The following NBPF14 variants were observed in gnomAD, a reference collection of about 807,000 sequenced individuals.
The protein encoded by NBPF14 is NBPF member 14, also known as NBPF family member NBPF14.
Under a neutral mutation model 91.2 loss-of-function variants are expected in NBPF14, and 104 were observed. The ratio of observed to expected loss-of-function variants is 1.14; its 90% CI spans 0.97 to 1.34. The LOEUF (loss-of-function observed/expected upper bound fraction) is 1.34, where lower values mean the gene tolerates loss of function less well. NBPF14 is among the 40% of genes most tolerant of loss of function. NBPF14 has a pLI of 0.00. For missense variants in NBPF14, 908 were observed against 783.0 expected (o/e 1.16, Z -1.91); for synonymous variants, 294 against 303.8 (o/e 0.97, Z 0.34).
Position 148,560,710 on chromosome 1 carries a change from A to C in NBPF14, c.4448-18T>G. The C allele has an allele frequency of 6.0e-6, 1 of 166,704 alleles. No individual in the cohort carries two copies. The highest frequency in any genetic ancestry group is 3.3e-5 in the South Asian group (1 of 30,648). The allele number at this position is 166,704 out of a possible 1,614,324, so 10.3% of individuals were successfully genotyped here. On this transcript the variant is annotated intron_variant, in intron 35 of 70. Coordinates refer to ENST00000619423, the Ensembl canonical transcript of NBPF14. ...TTCAATTTCTGCAATAAATTCAGAC[A>C]TGGACAGACACATTAAGCTGATTCC... is the stretch of plus-strand genomic sequence containing the variant.
chr1:148,559,649 G>T, intron 37 of NBPF14, 144 bp downstream of exon 37: 1 of 591,768 alleles, frequency 1.7e-6, no homozygotes, highest in East Asian at 3.2e-5. Context: ...AGTGGAACTA[G>T]AGTTTCATTC....
intron 13 of NBPF14, among the ~76,000 whole-genome samples, 175 bp downstream of exon 13, chr1:148,578,899 C>A (rs1660495675): frequency 6.7e-6 from 1 of 148,314 alleles, no homozygotes; most frequent in Admixed American, 6.7e-5. Flanking sequence ...CACTGACCCA[C>A]CCCATGCCTG....
intron 3 of NBPF14, 127 bp from the exon 4 acceptor site, chr1:148,592,893 A>C (rs1181237110): frequency 2.8e-6 from 2 of 702,512 alleles, no homozygotes; most frequent in Non-Finnish European, 4.7e-6. Flanking sequence ...GCACATGTTG[A>C]AAGGAATGAC....
chr1:148,592,930 G>C (rs1243934395), intron 3 of NBPF14, among the ~76,000 whole-genome samples, 164 bp from the exon 4 acceptor site: 2 of 132,212 alleles, frequency 1.5e-5, no homozygotes, highest in South Asian at 2.7e-4. Flanking sequence ...AATAGAAAAT[G>C]GTCTACAGGC....
At chr1:148,581,683 T>C (rs1225816998) in intron 12 of NBPF14, among the ~76,000 whole-genome samples, 1 of 148,496 alleles carries the variant, frequency 6.7e-6, no homozygotes, top group Non-Finnish European at 1.5e-5. Flanking sequence ...GCACTAAACA[T>C]GGAAAGGAAC....
At position 148,566,573 on chromosome 1, in the gene NBPF14, G is replaced by T. The variant is rs1409896457; in HGVS notation, c.3543-258C>A. Among the ~76,000 whole-genome samples, 4 of 143,648 alleles carry T rather than the reference G, an allele frequency of 2.8e-5. 1 individual carries two copies. The South Asian group carries it at 6.8e-4, about 24-fold the overall frequency. 94.2% of individuals were successfully genotyped at this position (143,648 alleles called of 152,430 possible). The stretch of plus-strand genomic sequence containing the variant: ...CACACACACACAGAGAACGAGCTCA[G>T]TGAATTGTCCAGGTGACACACTGAT... On this transcript the variant is annotated intron_variant, in intron 28 of 70. Transcript: ENST00000619423.
At chr1:148,574,489 AAC>A (rs1659506754) in intron 18 of NBPF14, among the ~76,000 whole-genome samples, 3 of 36,042 alleles carry the variant, frequency 8.3e-5, no homozygotes, top group Admixed American at 2.7e-4. Flanking sequence ...AGAGAGAGAG[AAC>A]GAGCTCAGTG....
At position 148,577,383 on chromosome 1, in the gene NBPF14, A is replaced by G. The variant is rs1443109728; in HGVS notation, c.1854-28T>C. ...GGAAAAGTGGGAAAAAGTAAAGAAT[A>G]AGCCAGGGGGAATCAGAAACCACAC... On this transcript the variant is annotated intron_variant, in intron 14 of 70. Transcript: ENST00000619423. 74 of 638,278 alleles carry G rather than the reference A, an allele frequency of 1.2e-4. 1 individual carries two copies. The highest frequency in any genetic ancestry group is 8.1e-4 in the Middle Eastern group (2 of 2,462). The allele number at this position is 638,278 out of a possible 1,614,324, so 39.5% of individuals were successfully genotyped here.
intron 34 of NBPF14, among the ~76,000 whole-genome samples, chr1:148,561,933 C>T (rs1309763693): frequency 1.7e-5 from 2 of 120,374 alleles, no homozygotes; most frequent in African/African-American, 9.3e-5. Context: ...ACACAGCATA[C>T]AGGGATCATG....
chr1:148,590,054 T>TA (rs1662216358), intron 6 of NBPF14, among the ~76,000 whole-genome samples: 18 of 117,398 alleles, frequency 1.5e-4, no homozygotes, highest in African/African-American at 5.6e-4. Flanking sequence ...TTTTTTTTTT[T>TA]TTTTTTTTTT....
chr1:148,592,704 C>G, exon 4 of NBPF14: 3 of 1,587,322 alleles, frequency 1.9e-6, no homozygotes, highest in Non-Finnish European at 2.6e-6. Flanking sequence ...TCTCCCTTCC[C>G]GTAACTTCTC....
chr1:148,593,511 C>T lies in NBPF14; in HGVS notation c.278+87G>A, dbSNP rs1476751564. On this transcript the variant is annotated intron_variant, in intron 3 of 70. Transcript: ENST00000619423. Reference sequence around the variant, plus strand: ...AATTTCTGCCCTTCCCCTGGCCCAGCTTCGTTCTTACTTCTCCCCGCCGAG... The same window carrying T: ...AATTTCTGCCCTTCCCCTGGCCCAGTTTCGTTCTTACTTCTCCCCGCCGAG... 1,636 of 813,138 alleles carry T rather than the reference C, an allele frequency of 2.0e-3. 61 individuals are homozygous for T. Among genetic ancestry groups the T allele is most frequent in the Non-Finnish European group, 2.9e-3 (1,373 of 479,962 alleles). 50.4% of individuals were successfully genotyped at this position (813,138 alleles called of 1,614,324 possible).
intron 40 of NBPF14, 42 bp from the exon 41 acceptor site, chr1:148,556,904 CAG>C (rs1656657863): frequency 6.8e-6 from 1 of 147,240 alleles, no homozygotes; most frequent in Non-Finnish European, 1.1e-5. Context: ...CAGGGGAAAT[CAG>C]ACACAACAGA....
At position 148,534,943 on chromosome 1, in the gene NBPF14, A is replaced by G. The variant is rs1207632564; in HGVS notation, c.8442-87T>C. 5.5e-4 allele frequency: 409 copies of G among 747,746 alleles called. 8 individuals are homozygous for G. The East Asian group carries it at 9.4e-3, about 17-fold the overall frequency. The allele number at this position is 747,746 out of a possible 1,614,324, so 46.3% of individuals were successfully genotyped here. A position where few individuals can be genotyped will look rare whatever the true frequency, so the allele number is the denominator to read the frequency against. On this transcript the variant is annotated intron_variant, in intron 68 of 70. Coordinates refer to ENST00000619423, the Ensembl canonical transcript of NBPF14. ...CTAGATTTCATGGCTAACATAAGGA[A>G]CAGTTTAAAAAGAAAAAGGACAGAT...
chr1:148,557,128 A>G (rs1376004672), intron 40 of NBPF14, among the ~76,000 whole-genome samples: 2 of 124,020 alleles, frequency 1.6e-5, no homozygotes, highest in East Asian at 5.1e-4. Flanking sequence ...TGTCCAGGTG[A>G]CACACTGATG....
chr1:148,535,125 G>C (rs1223497977), intron 68 of NBPF14, among the ~76,000 whole-genome samples: 1 of 146,806 alleles, frequency 6.8e-6, no homozygotes, highest in Non-Finnish European at 1.5e-5. Context: ...GGGGTCAAAG[G>C]ACACTCTGAG....
chr1:148,587,497 C>A, intron 7 of NBPF14, 94 bp from the exon 8 acceptor site: 1 of 1,232,332 alleles, frequency 8.1e-7, no homozygotes, highest in South Asian at 1.2e-5. Context: ...ATCCCAAGGA[C>A]AAAACTCTCC....
chr1:148,534,529 C>T lies in NBPF14; in HGVS notation c.8614+155G>A, dbSNP rs1331919526. On this transcript the variant is annotated intron_variant, in intron 69 of 70. Transcript: ENST00000619423. Reference sequence around the variant, plus strand: ...ACCCATTTCATGTCTAGGCTTCCAGCTGAGACTACAGTTTCATTACAACCT... The same window carrying T: ...ACCCATTTCATGTCTAGGCTTCCAGTTGAGACTACAGTTTCATTACAACCT... Among the ~76,000 whole-genome samples, 153 of 151,876 alleles carry T rather than the reference C, an allele frequency of 1.0e-3. 4 individuals are homozygous for T. Among genetic ancestry groups the T allele is most frequent in the African/African-American group, 3.4e-3 (142 of 41,312 alleles).
rs1324382048 is a variant in NBPF14, at chr1:148,595,221, G to C, written c.175+322C>G. Among the ~76,000 whole-genome samples the C allele has an allele frequency of 8.8e-5, 13 of 147,706 alleles. 2 individuals carry two copies. Among genetic ancestry groups the C allele is most frequent in the Admixed American group, 3.4e-4 (5 of 14,844 alleles). On this transcript the variant is annotated intron_variant, in intron 2 of 70. Coordinates refer to ENST00000619423, the Ensembl canonical transcript of NBPF14. Reference sequence around the variant, plus strand: ...ACAGACTAGATGTTATTTGTCTGCAGGATCTTATATGGTACAGAGAGGATT... The same window carrying C: ...ACAGACTAGATGTTATTTGTCTGCACGATCTTATATGGTACAGAGAGGATT...
Sources: gnomAD v4.1 joint callset for allele counts (sites outside exome capture counted in the v4.1 genomes callset) on GRCh38, gnomAD v4.1.1 for gene constraint, MANE v1.5 for transcripts, NCBI Gene and HGNC (gene_info 2026-07-23, HGNC 2026-07-21) for gene names.